Variants in ENOX2 observed in about 807,000 individuals in gnomAD.
ENOX2 encodes APK1 antigen.
In ENOX2, 36 loss-of-function variants were observed where a neutral mutation model predicts 45.0. That is an observed-to-expected ratio of 0.80 (90% CI 0.61 to 1.06). The LOEUF (loss-of-function observed/expected upper bound fraction) is 1.06. Among genes scored for constraint, ENOX2 ranks in the 50% least tolerant of loss-of-function variants. ENOX2 has a pLI of 0.00. For synonymous variants in ENOX2, 174 were observed against 152.3 expected (o/e 1.14, Z -1.05); for missense variants, 423 against 462.5 (o/e 0.91, Z 0.78).
Position 130,689,019 on chromosome X carries a change from C to G in ENOX2, c.98-1G>C. 1 of 1,199,193 alleles carries G rather than the reference C, an allele frequency of 8.3e-7. No individual in the cohort carries two copies. The highest frequency in any genetic ancestry group is 1.1e-6 in the Non-Finnish European group (1 of 887,523). ...ATCATTCCAAGAGCAGGATCAAAGT[C>G]TAAAAAAGGAGAAGAGAGAACAATA... is the stretch of plus-strand genomic sequence containing the variant. On this transcript the variant is annotated splice_acceptor_variant, in intron 4 of 14. Transcript: ENST00000394363. LOFTEE classifies it high-confidence loss of function.
At chrX:130,699,414 A>T (rs2037842889) in intron 4 of ENOX2, among the ~76,000 whole-genome samples, 1 of 111,913 alleles carries the variant, frequency 8.9e-6, no homozygotes, top group African/African-American at 3.2e-5. Flanking sequence ...GTTTTTCATC[A>T]ATGTCAAAAG....
At chrX:130,625,484 C>T (rs763313487) in intron 14 of ENOX2, 39 bp from the exon 15 acceptor site, 2 of 1,178,928 alleles carry the variant, frequency 1.7e-6, no homozygotes, top group Non-Finnish European at 1.1e-6. Flanking sequence ...AAAACCAGTT[C>T]TATTTTCCTA....
In ENOX2 at chrX:130,665,651, G is replaced by C; in HGVS notation, c.1006C>G (p.Gln336Glu). Residue 336 changes from glutamine to glutamate, a missense_variant, in exon 9 of 15, where the codon CAA (glutamine) becomes GAA (glutamate). Physicochemically the swap from Gln to Glu is conservative, Grantham distance 29 (BLOSUM62 2). This residue lies in a region of ENOX2 where 261 missense variants were observed against 306.8 expected (regional missense o/e 0.85). Coordinates refer to ENST00000394363, the MANE Select transcript of ENOX2 (RefSeq NM_006375.4). ...AATAAAAAGTTACCAACCTCAGCTT[G>C]TTTGCACCACACGCTGATGTTCTTC... ...QRKNISVWCK[Q>E]AEEIRNIHND... 1 of 1,198,269 alleles carries C rather than the reference G, an allele frequency of 8.3e-7. No individual in the cohort carries two copies. Among genetic ancestry groups the C allele is most frequent in the South Asian group, 1.8e-5 (1 of 55,318 alleles).
At chrX:130,644,326 T>C (rs2036167223) in intron 10 of ENOX2, among the ~76,000 whole-genome samples, 2 of 112,246 alleles carry the variant, frequency 1.8e-5, no homozygotes, top group African/African-American at 6.5e-5. Flanking sequence ...AGCAGACATT[T>C]TGTCAGTTTC....
At chrX:130,799,951 G>C (rs2077191073) in intron 2 of ENOX2, among the ~76,000 whole-genome samples, 1 of 110,448 alleles carries the variant, frequency 9.1e-6, no homozygotes. Flanking sequence ...TTATAAACCA[G>C]AACATGTAAG....
rs748375853 is a variant in ENOX2, at chrX:130,824,881, G to A, written c.-182-41191C>T. 4.3e-3 allele frequency among the ~76,000 whole-genome samples: 481 copies of A among 111,284 alleles called. 2 individuals are homozygous for A. The highest frequency in any genetic ancestry group is 0.015 in the African/African-American group (466 of 30,719). ...AAATATTTAAGACTGACAATACTGA[G>A]GGCTGGAGATGTGGAACCCCCATGA... On this transcript the variant is annotated intron_variant, in intron 2 of 14. Coordinates refer to ENST00000394363, the MANE Select transcript of ENOX2 (RefSeq NM_006375.4).
intron 2 of ENOX2, among the ~76,000 whole-genome samples, chrX:130,860,511 T>C (rs982264433): frequency 1.8e-5 from 2 of 111,589 alleles, no homozygotes; most frequent in African/African-American, 6.5e-5. Flanking sequence ...CATGCCAAGC[T>C]TACTCTACCT....
intron 2 of ENOX2, among the ~76,000 whole-genome samples, chrX:130,805,850 T>C (rs2077290334): frequency 8.9e-6 from 1 of 112,029 alleles, no homozygotes; most frequent in African/African-American, 3.2e-5. Context: ...CAATGATTGT[T>C]CCTGCTCGCA....
At position 130,696,480 on chromosome X, in the gene ENOX2, A is replaced by C. The variant is rs773083030; in HGVS notation, c.97+6640T>G. 2.7e-5 allele frequency among the ~76,000 whole-genome samples: 3 copies of C among 112,077 alleles called. No homozygotes were observed. The East Asian group carries it at 8.4e-4, about 31-fold the overall frequency. On this transcript the variant is annotated intron_variant, in intron 4 of 14. Transcript: ENST00000394363. The stretch of plus-strand genomic sequence containing the variant: ...AGCCTCTTAATTTGACAAGAAAATA[A>C]GTGGGGAAAAAATAAAAAGAAACTA...
chrX:130,784,371 C>T (rs967361286), intron 2 of ENOX2, among the ~76,000 whole-genome samples: 2 of 111,393 alleles, frequency 1.8e-5, no homozygotes, highest in African/African-American at 6.5e-5. Flanking sequence ...CCAAGTCTTA[C>T]ATGGTTCAAT....
chrX:130,734,122 T>C (rs1423756044), intron 3 of ENOX2, among the ~76,000 whole-genome samples: 1 of 112,184 alleles, frequency 8.9e-6, no homozygotes, highest in East Asian at 2.8e-4. Context: ...ACTGCAGAGA[T>C]CCCTCTGGTG....
rs778705727 is a variant in ENOX2, at chrX:130,737,458, A to G, written c.-38-34204T>C. Among the ~76,000 whole-genome samples the G allele has an allele frequency of 1.1e-4, 12 of 108,902 alleles. No individual in the cohort carries two copies. The South Asian group carries it at 1.2e-3, about 10-fold the overall frequency. The allele number at this position is 108,902 out of a possible 115,157, so 94.6% of individuals were successfully genotyped here. On this transcript the variant is annotated intron_variant, in intron 3 of 14. Transcript: ENST00000394363. ...ACTTATTGCATGCGCGTGCGCACGC[A>G]CACACACACACACACACACACAACT... is the stretch of plus-strand genomic sequence containing the variant.
chrX:130,686,378 C>T (rs952138937), intron 5 of ENOX2, among the ~76,000 whole-genome samples: 3 of 111,393 alleles, frequency 2.7e-5, no homozygotes, highest in Non-Finnish European at 5.7e-5. Context: ...TCCTGCCACA[C>T]GAGACACCTC....
At chrX:130,633,929 A>G (rs1428875294) in intron 12 of ENOX2, among the ~76,000 whole-genome samples, 2 of 112,475 alleles carry the variant, frequency 1.8e-5, no homozygotes, top group African/African-American at 6.5e-5. Flanking sequence ...TGTTTCTTTA[A>G]TAGTGCCCAC....
chrX:130,783,291 T>G (rs2076921770), intron 3 of ENOX2, among the ~76,000 whole-genome samples: 1 of 112,176 alleles, frequency 8.9e-6, no homozygotes, highest in African/African-American at 3.2e-5. Flanking sequence ...TCTTCCTCAT[T>G]TGTGCTCTCA....
intron 3 of ENOX2, among the ~76,000 whole-genome samples, chrX:130,705,464 T>G (rs1167645510): frequency 8.9e-6 from 1 of 112,462 alleles, no homozygotes; most frequent in African/African-American, 3.2e-5. Flanking sequence ...TAATTCACAA[T>G]GCTTGTTAAC....
chrX:130,858,330 C>T (rs2078349050), intron 2 of ENOX2, among the ~76,000 whole-genome samples: 1 of 109,904 alleles, frequency 9.1e-6, no homozygotes. Context: ...TTTGGCCAGG[C>T]TGGTTTTGAA....
At chrX:130,680,411 A>G (rs1470271821) in intron 5 of ENOX2, among the ~76,000 whole-genome samples, 1 of 111,753 alleles carries the variant, frequency 8.9e-6, no homozygotes, top group Non-Finnish European at 1.9e-5. Flanking sequence ...ACAGGGAAAT[A>G]TGAAAGACAG....
At chrX:130,740,143 G>A (rs945937373) in intron 3 of ENOX2, among the ~76,000 whole-genome samples, 33 of 112,184 alleles carry the variant, frequency 2.9e-4, no homozygotes, top group African/African-American at 9.4e-4. Context: ...TGGCTCACGC[G>A]TGTAATCCCA....
Sources: allele counts gnomAD v4.1 joint callset (sites outside exome capture counted in the v4.1 genomes callset), GRCh38; gene constraint gnomAD v4.1.1; regional missense constraint gnomAD v4.1.1; transcripts MANE v1.5; gene names NCBI Gene and HGNC (gene_info 2026-07-23, HGNC 2026-07-21).